SEMA3D: variants seen among roughly 807,000 people sequenced by gnomAD.
The protein encoded by SEMA3D is semaphorin-3D.
Under a neutral mutation model 100.1 loss-of-function variants are expected in SEMA3D, and 84 were observed. The observed-to-expected ratio is 0.84, with a 90% CI of 0.70 to 1.01. SEMA3D has a LOEUF of 1.01. Ranked by LOEUF, SEMA3D falls within the 50% of genes least tolerant of loss-of-function variation. The probability of loss-of-function intolerance (pLI) is 0.00; values close to 1 mark genes in which losing one functional copy is unlikely to be tolerated. For synonymous variants in SEMA3D, 312 were observed against 320.7 expected (o/e 0.97, Z 0.29); for missense variants, 875 against 934.1 (o/e 0.94, Z 0.82).
chr7:85,159,097 C>T (rs1790676270), intron 1 of SEMA3D, among the ~76,000 whole-genome samples: 1 of 152,124 alleles, frequency 6.6e-6, no homozygotes, highest in East Asian at 1.9e-4. Flanking sequence ...TCTGTTTTTT[C>T]CTCATACTTA....
At chr7:85,245,452 C>A in the SEMA3D span, among the ~76,000 whole-genome samples, 1 of 152,164 alleles carries the variant, frequency 6.6e-6, no homozygotes. Context: ...AACAAATATT[C>A]TAAAAGCTTT....
chr7:85,142,837 A>G (rs562526765), intron 2 of SEMA3D: 10 of 985,190 alleles, frequency 1.0e-5, no homozygotes, highest in African/African-American at 7.0e-5. Flanking sequence ...CAAAATAAAT[A>G]CAACCCATCT....
the SEMA3D span, among the ~76,000 whole-genome samples, chr7:85,215,394 A>C: frequency 6.6e-6 from 1 of 152,134 alleles, no homozygotes; most frequent in African/African-American, 2.4e-5. Flanking sequence ...AGTATGACAG[A>C]GCTAGTTATC....
the SEMA3D span, among the ~76,000 whole-genome samples, chr7:85,232,237 AT>A: frequency 6.6e-6 from 1 of 152,186 alleles, no homozygotes; most frequent in Admixed American, 6.5e-5. Context: ...TTTTTGTGCC[AT>A]TATGTCATTG....
intron 6 of SEMA3D, among the ~76,000 whole-genome samples, chr7:85,072,745 AG>A (rs1428265424): frequency 6.6e-6 from 1 of 152,198 alleles, no homozygotes; most frequent in Non-Finnish European, 1.5e-5. Context: ...GTTTTAAAAC[AG>A]GATCTTACTA....
At chr7:85,144,976 G>T (rs900913706) in intron 2 of SEMA3D, among the ~76,000 whole-genome samples, 1 of 151,992 alleles carries the variant, frequency 6.6e-6, no homozygotes, top group Admixed American at 6.6e-5. Flanking sequence ...ATTTGTGTTT[G>T]GTTTGGTTTA....
intron 9 of SEMA3D, among the ~76,000 whole-genome samples, chr7:85,047,710 C>A (rs1428550442): frequency 6.6e-6 from 1 of 151,702 alleles, no homozygotes; most frequent in Non-Finnish European, 1.5e-5. Flanking sequence ...AGATTTGTAA[C>A]CCTATTCATG....
the SEMA3D span, among the ~76,000 whole-genome samples, chr7:85,248,874 A>C: frequency 6.6e-6 from 1 of 152,156 alleles, no homozygotes; most frequent in South Asian, 2.1e-4. Flanking sequence ...TAGAGGAGTA[A>C]AACTTCTGTG....
intron 5 of SEMA3D, among the ~76,000 whole-genome samples, chr7:85,077,518 T>G (rs1787908250): frequency 6.6e-6 from 1 of 152,006 alleles, no homozygotes; most frequent in South Asian, 2.1e-4. Context: ...TAAAAAAATA[T>G]GGGCCGCAGG....
intron 1 of SEMA3D, among the ~76,000 whole-genome samples, chr7:85,173,829 C>T (rs78827967): frequency 1.2e-3 from 180 of 152,238 alleles, no homozygotes; most frequent in Non-Finnish European, 2.0e-3. Flanking sequence ...GCTGACAGAG[C>T]TAGTATCTGG....
chr7:85,243,493 C>T, the SEMA3D span, among the ~76,000 whole-genome samples: 2 of 152,094 alleles, frequency 1.3e-5, no homozygotes, highest in Non-Finnish European at 2.9e-5. Flanking sequence ...AATTGTGATT[C>T]TTGTATTTGC....
chr7:85,111,184 C>T lies in SEMA3D; in HGVS notation c.151+10557G>A, dbSNP rs186553283. ...CCAGAAGCCAATCTTTTGAATTCTG[C>T]TTCATCCCTTAATTATTTCACAGTC... On this transcript the variant is annotated intron_variant, in intron 3 of 18. Coordinates refer to ENST00000284136, the MANE Select transcript of SEMA3D (RefSeq NM_001384900.1). Among the ~76,000 whole-genome samples, 786 of 152,080 alleles carry T rather than the reference C, an allele frequency of 5.2e-3. 3 individuals are homozygous for T. Among genetic ancestry groups the T allele is most frequent in the Middle Eastern group, 0.01 (3 of 294 alleles).
At chr7:85,219,773 G>A in the SEMA3D span, among the ~76,000 whole-genome samples, 6 of 152,018 alleles carry the variant, frequency 3.9e-5, no homozygotes, top group Admixed American at 1.3e-4. Context: ...AATTATACAC[G>A]CAAAGTATGT....
At chr7:85,240,739 A>G in the SEMA3D span, among the ~76,000 whole-genome samples, 1 of 152,160 alleles carries the variant, frequency 6.6e-6, no homozygotes, top group Non-Finnish European at 1.5e-5. Flanking sequence ...CTTTCAAGGA[A>G]TTGATTCATT....
At chr7:85,038,642 C>A (rs1790769800) in intron 11 of SEMA3D, among the ~76,000 whole-genome samples, 1 of 152,114 alleles carries the variant, frequency 6.6e-6, no homozygotes, top group African/African-American at 2.4e-5. Context: ...TGGCACATAT[C>A]CGTGCCTTGT....
Position 85,141,303 on chromosome 7 carries a change from A to G in SEMA3D, c.-41+12305T>C. 4.1e-6 allele frequency: 4 copies of G among 984,278 alleles called. No individual in the cohort carries two copies. The South Asian group carries it at 1.9e-4, about 46-fold the overall frequency. 61.0% of individuals were successfully genotyped at this position (984,278 alleles called of 1,614,324 possible). A position where few individuals can be genotyped will look rare whatever the true frequency, so the allele number is the denominator to read the frequency against. ...TGCTTTAACCTCTTCAGGAATTTTA[A>G]CATTGTCAAAAACTTAATAATTTAT... On this transcript the variant is annotated intron_variant, in intron 2 of 18. Coordinates refer to ENST00000284136, the MANE Select transcript of SEMA3D (RefSeq NM_001384900.1).
At chr7:85,005,096 C>T (rs1206790667) in intron 18 of SEMA3D, among the ~76,000 whole-genome samples, 1 of 151,732 alleles carries the variant, frequency 6.6e-6, no homozygotes, top group African/African-American at 2.4e-5. Flanking sequence ...GATTAAATTT[C>T]CCATGAAGAA....
chr7:85,029,302 G>C, intron 12 of SEMA3D: 1 of 1,077,778 alleles, frequency 9.3e-7, no homozygotes, highest in African/African-American at 1.5e-5. Flanking sequence ...GGAAGACATT[G>C]AGCCTATGGT....
chr7:85,105,190 T>G (rs996601886), intron 3 of SEMA3D, among the ~76,000 whole-genome samples: 3 of 152,056 alleles, frequency 2.0e-5, no homozygotes, highest in Non-Finnish European at 4.4e-5. Context: ...GCCTTCCCCC[T>G]AAATTCAGCA....
Sources: gnomAD v4.1 joint callset for allele counts (sites outside exome capture counted in the v4.1 genomes callset) on GRCh38, gnomAD v4.1.1 for gene constraint, MANE v1.5 for transcripts, NCBI Gene and HGNC (gene_info 2026-07-23, HGNC 2026-07-21) for gene names.